Variants in SSX2IP observed in about 807,000 individuals in gnomAD.
SSX2IP encodes the protein afadin- and alpha-actinin-binding protein.
Under a neutral mutation model 84.9 loss-of-function variants are expected in SSX2IP, and 55 were observed. The observed-to-expected ratio is 0.65, with a 90% CI of 0.52 to 0.81. SSX2IP has a LOEUF of 0.81. Among genes scored for constraint, SSX2IP ranks in the 30% least tolerant of loss-of-function variants. The pLI, the probability that SSX2IP is intolerant of heterozygous loss-of-function variation, is 0.00. For synonymous variants in SSX2IP, 239 were observed against 234.7 expected (o/e 1.02, Z -0.17); for missense variants, 664 against 705.2 (o/e 0.94, Z 0.66).
At chr1:84,670,406 T>C (rs1033114474) in intron 3 of SSX2IP, 4 of 272,008 alleles carry the variant, frequency 1.5e-5, no homozygotes, top group African/African-American at 6.7e-5. Flanking sequence ...ATCCATAAAG[T>C]GATGGCTGGA....
intron 1 of SSX2IP, among the ~76,000 whole-genome samples, chr1:84,673,754 A>G (rs1394549640): frequency 6.6e-6 from 1 of 152,184 alleles, no homozygotes; most frequent in Admixed American, 6.5e-5. Flanking sequence ...AAATGTGGGC[A>G]AAAAAGAAAT....
Position 84,655,762 on chromosome 1 carries a change from C to A in SSX2IP, c.1389+70G>T, listed in dbSNP as rs138919147. ...AGTAAATAGCAAGAAAAAAAGGAGA[C>A]CTTAGAAGCATTCTACTGAGGCCCA... On this transcript the variant is annotated intron_variant, in intron 11 of 13. Transcript: ENST00000342203. 1.8e-4 allele frequency: 269 copies of A among 1,536,612 alleles called. No individual in the cohort carries two copies. The African/African-American group carries it at 2.8e-3, about 16-fold the overall frequency.
At chr1:84,669,940 TA>T (rs1372981046) in intron 3 of SSX2IP, 47 bp from the exon 4 acceptor site, 2 of 1,421,374 alleles carry the variant, frequency 1.4e-6, no homozygotes, top group Non-Finnish European at 9.8e-7. Flanking sequence ...GTTGAGGAGA[TA>T]CTGGTCAGAG....
At chr1:84,675,288 A>G (rs1654169044) in intron 1 of SSX2IP, among the ~76,000 whole-genome samples, 1 of 152,242 alleles carries the variant, frequency 6.6e-6, no homozygotes, top group Non-Finnish European at 1.5e-5. Context: ...TTAGTTTTCT[A>G]GCACTGTTAC....
chr1:84,654,404 A>T (rs1182455010), intron 11 of SSX2IP, among the ~76,000 whole-genome samples: 1 of 152,146 alleles, frequency 6.6e-6, no homozygotes, highest in Non-Finnish European at 1.5e-5. Flanking sequence ...CTGGAATCTA[A>T]ATTCTATACA....
At chr1:84,675,743 G>A (rs969748125) in intron 1 of SSX2IP, among the ~76,000 whole-genome samples, 4 of 152,132 alleles carry the variant, frequency 2.6e-5, no homozygotes. Context: ...CAATGAACCA[G>A]ACTAAGGTCT....
intron 8 of SSX2IP, among the ~76,000 whole-genome samples, chr1:84,661,120 G>C (rs538614030): frequency 5.2e-4 from 77 of 148,868 alleles, no homozygotes; most frequent in Non-Finnish European, 9.8e-4. Context: ...AAATGTTAAG[G>C]AGAAAAAAAG....
At chr1:84,661,492 A>C (rs146213698) in intron 8 of SSX2IP, among the ~76,000 whole-genome samples, 1 of 152,010 alleles carries the variant, frequency 6.6e-6, no homozygotes, top group Non-Finnish European at 1.5e-5. Context: ...CTTGATTGCC[A>C]TAACTATTCT....
intron 1 of SSX2IP, among the ~76,000 whole-genome samples, chr1:84,673,300 A>C (rs1260411387): frequency 1.3e-5 from 2 of 152,200 alleles, no homozygotes; most frequent in Admixed American, 6.5e-5. Flanking sequence ...GTGAAACCTA[A>C]ATGATACGGA....
intron 1 of SSX2IP, among the ~76,000 whole-genome samples, chr1:84,685,300 G>A (rs990662425): frequency 6.6e-6 from 1 of 152,134 alleles, no homozygotes; most frequent in South Asian, 2.1e-4. Context: ...TACAAGAACA[G>A]GCAATTTGGG....
Position 84,647,232 on chromosome 1 carries a change from C to T in SSX2IP, c.*201G>A, listed in dbSNP as rs1649556128. ...TTCACAGAACCAGATGCTTCTGTTA[C>T]TAAAAATACATATCCAAAGCTTTTA... is the stretch of plus-strand genomic sequence containing the variant. On this transcript the variant is annotated 3_prime_UTR_variant, in exon 14 of 14. Coordinates refer to ENST00000342203, the MANE Select transcript of SSX2IP (RefSeq NM_001166293.2). The T allele has an allele frequency of 2.5e-6, 1 of 403,524 alleles. No homozygotes were observed. Among genetic ancestry groups the T allele is most frequent in the Admixed American group, 4.4e-5 (1 of 22,960 alleles). The allele number at this position is 403,524 out of a possible 1,614,324, so 25.0% of individuals were successfully genotyped here. A position where few individuals can be genotyped will look rare whatever the true frequency, so the allele number is the denominator to read the frequency against.
At position 84,683,589 on chromosome 1, in the gene SSX2IP, G is replaced by C. The variant is rs1314780176; in HGVS notation, c.-90+6782C>G. On this transcript the variant is annotated intron_variant, in intron 1 of 13. Coordinates refer to ENST00000342203, the MANE Select transcript of SSX2IP (RefSeq NM_001166293.2). The stretch of plus-strand genomic sequence containing the variant: ...AACTGAGTTCTCATTTGGCAGGCTT[G>C]TCAGCATATTCTTTGTACCCCACTT... Among the ~76,000 whole-genome samples the C allele has an allele frequency of 2.0e-5, 3 of 152,172 alleles. No individual in the cohort carries two copies. The East Asian group carries it at 5.8e-4, about 29-fold the overall frequency.
intron 1 of SSX2IP, among the ~76,000 whole-genome samples, chr1:84,687,651 ATAT>A (rs1655984441): frequency 6.6e-6 from 1 of 152,206 alleles, no homozygotes; most frequent in Admixed American, 6.5e-5. Flanking sequence ...TGTCTTTCAG[ATAT>A]TATTTGCACT....
chr1:84,647,350 A>G lies in SSX2IP; in HGVS notation c.*83T>C. 4.0e-6 allele frequency: 5 copies of G among 1,246,326 alleles called. No individual in the cohort carries two copies. The South Asian group carries it at 9.1e-5, about 23-fold the overall frequency. The allele number at this position is 1,246,326 out of a possible 1,614,324, so 77.2% of individuals were successfully genotyped here. ...CAGACCATCTTAAGTTATTAGAGAT[A>G]ACTGACTTTATGACACACCCTGTTT... On this transcript the variant is annotated 3_prime_UTR_variant, in exon 14 of 14. Transcript: ENST00000342203.
At chr1:84,670,846 ATT>A in intron 2 of SSX2IP, 31 bp from the exon 3 acceptor site, 1 of 1,545,314 alleles carries the variant, frequency 6.5e-7, no homozygotes, top group Non-Finnish European at 8.8e-7. Flanking sequence ...TATATAAATA[ATT>A]TAGAAAAACG....
intron 4 of SSX2IP, among the ~76,000 whole-genome samples, chr1:84,666,764 G>A (rs1305701431): frequency 1.3e-5 from 2 of 152,170 alleles, no homozygotes; most frequent in Non-Finnish European, 2.9e-5. Context: ...TAAAGTCTCT[G>A]AAGGTACTTC....
At chr1:84,683,233 C>T (rs936297940) in intron 1 of SSX2IP, among the ~76,000 whole-genome samples, 4 of 151,960 alleles carry the variant, frequency 2.6e-5, no homozygotes, top group Non-Finnish European at 5.9e-5. Flanking sequence ...AGGTTTTAAG[C>T]CCCGCATGCA....
intron 1 of SSX2IP, among the ~76,000 whole-genome samples, chr1:84,687,682 G>A (rs1413651745): frequency 2.0e-5 from 3 of 152,154 alleles, no homozygotes; most frequent in African/African-American, 7.2e-5. Context: ...ATACATTTTG[G>A]ATCACTCAAA....
intron 1 of SSX2IP, among the ~76,000 whole-genome samples, chr1:84,678,671 A>G (rs1460386028): frequency 6.6e-6 from 1 of 152,244 alleles, no homozygotes; most frequent in African/African-American, 2.4e-5. Flanking sequence ...GAAAAGTAGC[A>G]AAAGAAGAGT....
Sources: gnomAD v4.1 joint callset for allele counts (sites outside exome capture counted in the v4.1 genomes callset) on GRCh38, gnomAD v4.1.1 for gene constraint, MANE v1.5 for transcripts, NCBI Gene and HGNC (gene_info 2026-07-23, HGNC 2026-07-21) for gene names.